The following EPHA6 variants were observed in gnomAD, a reference collection of about 807,000 sequenced individuals.
EPHA6 encodes ephrin type-A receptor 6.
EPHA6 carries 50 observed loss-of-function variants against 112.0 expected under a neutral mutation model. That is an observed-to-expected ratio of 0.45 (90% CI 0.36 to 0.56). EPHA6 has a LOEUF of 0.56. Ranked by LOEUF, EPHA6 falls within the 20% of genes least tolerant of loss-of-function variation. EPHA6 has a pLI of 0.00. For missense variants in EPHA6, 1,280 were observed against 1,417.4 expected, an observed-to-expected ratio of 0.90 and a Z score of 1.56; for synonymous variants, 529 against 490.7, an observed-to-expected ratio of 1.08 and a Z score of -1.03.
chr3:97,025,537 C>T (rs2044607414), intron 3 of EPHA6, among the ~76,000 whole-genome samples: 1 of 152,136 alleles, frequency 6.6e-6, no homozygotes, highest in Non-Finnish European at 1.5e-5. Flanking sequence ...TCAGTGTCTT[C>T]ATGAAATCTT....
chr3:97,359,383 TTTATTTTTGG>T (rs1409315825), intron 5 of EPHA6, among the ~76,000 whole-genome samples: 1 of 152,020 alleles, frequency 6.6e-6, no homozygotes, highest in East Asian at 1.9e-4. Flanking sequence ...AGCTCCAGAA[TTTATTTTTGG>T]TTTATTTTTA....
intron 5 of EPHA6, among the ~76,000 whole-genome samples, chr3:97,330,495 G>C (rs1007300483): frequency 6.6e-6 from 1 of 151,870 alleles, no homozygotes; most frequent in African/African-American, 2.4e-5. Flanking sequence ...TTATTTCATT[G>C]AGCAGTGGTT....
chr3:97,282,479 T>A (rs1159820873), intron 5 of EPHA6, among the ~76,000 whole-genome samples: 2 of 152,168 alleles, frequency 1.3e-5, no homozygotes, highest in Non-Finnish European at 2.9e-5. Context: ...AGCAATCCCG[T>A]TACTGGGTAT....
chr3:96,987,245 G>A (rs1208551821), intron 2 of EPHA6, 85 bp from the exon 3 acceptor site: 4 of 1,250,028 alleles, frequency 3.2e-6, no homozygotes, highest in South Asian at 1.5e-5. Flanking sequence ...TTTTATTTTG[G>A]TAAAACAAAA....
chr3:97,381,449 A>G (rs541824530), intron 5 of EPHA6, among the ~76,000 whole-genome samples: 2 of 152,108 alleles, frequency 1.3e-5, no homozygotes, highest in African/African-American at 4.8e-5. Flanking sequence ...AATTGCCAAG[A>G]GTGAATCTGC....
At chr3:96,945,718 C>A (rs978797917) in intron 2 of EPHA6, among the ~76,000 whole-genome samples, 3 of 151,946 alleles carry the variant, frequency 2.0e-5, no homozygotes, top group Admixed American at 1.3e-4. Flanking sequence ...ATATATATAT[C>A]TGTGAATACC....
At chr3:97,011,499 T>G (rs1330392731) in intron 3 of EPHA6, among the ~76,000 whole-genome samples, 1 of 152,166 alleles carries the variant, frequency 6.6e-6, no homozygotes, top group African/African-American at 2.4e-5. Context: ...ATCTTTAGAG[T>G]AAGCTAGCAA....
At chr3:97,584,264 G>A (rs2093467992) in intron 11 of EPHA6, among the ~76,000 whole-genome samples, 1 of 152,140 alleles carries the variant, frequency 6.6e-6, no homozygotes, top group African/African-American at 2.4e-5. Context: ...AGCATGTCAA[G>A]GAGAATAAGA....
intron 14 of EPHA6, among the ~76,000 whole-genome samples, chr3:97,645,243 T>C (rs2094048527): frequency 1.4e-5 from 2 of 146,936 alleles, no homozygotes; most frequent in African/African-American, 5.0e-5. Context: ...TTATTCACAA[T>C]AGCAAAGACT....
intron 3 of EPHA6, among the ~76,000 whole-genome samples, chr3:97,158,940 T>G (rs948125281): frequency 6.6e-6 from 1 of 152,132 alleles, no homozygotes; most frequent in Non-Finnish European, 1.5e-5. Context: ...TGTAGCCATC[T>G]TATTTAGGAA....
rs146931007 is a variant in EPHA6 at position 96,934,856 on chromosome 3, T to A, written c.451-52474T>A. On this transcript the variant is annotated intron_variant, in intron 2 of 17. Coordinates refer to ENST00000389672, the MANE Select transcript of EPHA6 (RefSeq NM_001080448.3). Reference sequence around the variant, plus strand: ...ATGAAAATAGAGGTTAGAAAAAACATCCTTTAAGTATAATAGCTTTAAATA... The same window carrying A: ...ATGAAAATAGAGGTTAGAAAAAACAACCTTTAAGTATAATAGCTTTAAATA... Among the ~76,000 whole-genome samples, 139 of 151,806 alleles carry A rather than the reference T, an allele frequency of 9.2e-4. 1 individual carries two copies. Among genetic ancestry groups the A allele is most frequent in the African/African-American group, 3.2e-3 (134 of 41,512 alleles).
At chr3:97,206,660 C>A (rs1207826279) in intron 3 of EPHA6, among the ~76,000 whole-genome samples, 1 of 151,988 alleles carries the variant, frequency 6.6e-6, no homozygotes, top group African/African-American at 2.4e-5. Context: ...TATTAATATA[C>A]CGCCAATGAG....
chr3:97,445,507 C>A (rs1038444004), intron 6 of EPHA6, among the ~76,000 whole-genome samples: 1 of 151,932 alleles, frequency 6.6e-6, no homozygotes, highest in Non-Finnish European at 1.5e-5. Context: ...ATTAATAATA[C>A]CTTGTATGAA....
chr3:96,869,498 T>C (rs1190340962), intron 2 of EPHA6, among the ~76,000 whole-genome samples: 1 of 151,928 alleles, frequency 6.6e-6, no homozygotes, highest in Non-Finnish European at 1.5e-5. Context: ...GTTTTAGGAA[T>C]GCTGAGAATC....
intron 6 of EPHA6, among the ~76,000 whole-genome samples, chr3:97,406,918 T>C (rs1051057075): frequency 3.9e-5 from 6 of 152,162 alleles, no homozygotes; most frequent in African/African-American, 7.2e-5. Flanking sequence ...GGTTTAAATA[T>C]ATTTTCATAC....
chr3:97,253,487 G>A (rs2079203973), intron 5 of EPHA6, among the ~76,000 whole-genome samples: 1 of 152,116 alleles, frequency 6.6e-6, no homozygotes, highest in South Asian at 2.1e-4. Context: ...CTTTCAACAT[G>A]TGTTCTAAAA....
rs190087437 is a variant in EPHA6 at position 97,019,751 on chromosome 3, A to T, written c.1114+31758A>T. Reference sequence around the variant, plus strand: ...ATTTAATTTATCAGATTTTTAATAAACTCGAGAACATGTATATACACACAA... The same window carrying T: ...ATTTAATTTATCAGATTTTTAATAATCTCGAGAACATGTATATACACACAA... On this transcript the variant is annotated intron_variant, in intron 3 of 17. Coordinates refer to ENST00000389672, the MANE Select transcript of EPHA6 (RefSeq NM_001080448.3). Among the ~76,000 whole-genome samples, 18 of 151,416 alleles carry T rather than the reference A, an allele frequency of 1.2e-4. No homozygotes were observed. The East Asian group carries it at 3.5e-3, about 29-fold the overall frequency.
intron 3 of EPHA6, among the ~76,000 whole-genome samples, 192 bp from the exon 4 acceptor site, chr3:97,226,072 A>G (rs2078345599): frequency 6.6e-6 from 1 of 152,120 alleles, no homozygotes; most frequent in Non-Finnish European, 1.5e-5. Flanking sequence ...CTAAAATATG[A>G]TTGCATTGTG....
intron 8 of EPHA6, among the ~76,000 whole-genome samples, chr3:97,476,611 A>G (rs1699426974): frequency 6.6e-6 from 1 of 152,112 alleles, no homozygotes; most frequent in African/African-American, 2.4e-5. Context: ...TTTTGACAGC[A>G]CACCAAAAAG....
Sources: gnomAD v4.1 joint callset for allele counts (sites outside exome capture counted in the v4.1 genomes callset) on GRCh38, gnomAD v4.1.1 for gene constraint, MANE v1.5 for transcripts, NCBI Gene and HGNC (gene_info 2026-07-23, HGNC 2026-07-21) for gene names.